Variants in NIPBL observed in about 807,000 individuals in gnomAD.
NIPBL encodes the protein NIPBL cohesin loading factor.
In NIPBL, 19 loss-of-function variants were observed where a neutral mutation model predicts 321.8. That is an observed-to-expected ratio of 0.06 (90% confidence interval 0.04 to 0.09). The LOEUF (loss-of-function observed/expected upper bound fraction) is 0.09. Ranked by LOEUF, NIPBL falls within the 10% of genes least tolerant of loss-of-function variation. The pLI is 1.00. For missense variants in NIPBL, 2,210 were observed against 3,327.0 expected, an observed-to-expected ratio of 0.66 and a Z score of 8.26; for synonymous variants, 1,106 against 1,114.1, an observed-to-expected ratio of 0.99 and a Z score of 0.14.
At position 36,962,132 on chromosome 5, in the gene NIPBL, G is replaced by C; in HGVS notation, c.468G>C (p.Val156=). The change falls in exon 6 of 47, where the codon GTG becomes GTC. Residue 156 remains valine (V), a synonymous_variant. Coordinates refer to ENST00000282516, the MANE Select transcript of NIPBL (RefSeq NM_133433.4). ...TISHSPSSRF[V]PPQTSSGNRF... ...GGGTTTTGGGTTTTAGCCGGTTTGT[G>C]CCACCACAGACAAGCTCTGGGAACA... 1 of 1,613,998 alleles carries C rather than the reference G, an allele frequency of 6.2e-7. No individual in the cohort carries two copies. Among genetic ancestry groups the C allele is most frequent in the Non-Finnish European group, 8.5e-7 (1 of 1,179,956 alleles).
intron 34 of NIPBL, 30 bp downstream of exon 34, chr5:37,038,768 C>G (rs761778025): frequency 4.4e-6 from 7 of 1,606,964 alleles, no homozygotes; most frequent in Middle Eastern, 1.9e-4. Context: ...ATTCTTGTAT[C>G]TTACATAAAA....
intron 6 of NIPBL, among the ~76,000 whole-genome samples, chr5:36,963,475 CAAG>C (rs1741856440): frequency 6.6e-6 from 1 of 151,962 alleles, no homozygotes; most frequent in Non-Finnish European, 1.5e-5. Context: ...CACACGAACT[CAAG>C]GAGAAACTGG....
At chr5:36,977,959 G>T (rs750708608) in intron 9 of NIPBL, among the ~76,000 whole-genome samples, 4 of 151,888 alleles carry the variant, frequency 2.6e-5, no homozygotes, top group Non-Finnish European at 4.4e-5. Context: ...CTTTATGATT[G>T]TGTACCACGG....
Position 37,022,494 on chromosome 5 carries a change from ATATT to A in NIPBL, c.5574+108_5574+111del, listed in dbSNP as rs1378376037. 1.2e-5 allele frequency: 12 copies of A among 994,760 alleles called. 1 individual carries two copies. In the African/African-American group the frequency reaches 1.6e-4, roughly 14 times the overall value. 61.6% of individuals were successfully genotyped at this position (994,760 alleles called of 1,614,324 possible). ...TTAGAAAAATAAATGTACCAATTAT[ATATT>A]TATATTGTCAAATTTATGAACTATT... On this transcript the variant is annotated intron_variant, in intron 29 of 46. Coordinates refer to ENST00000282516, the MANE Select transcript of NIPBL (RefSeq NM_133433.4).
At chr5:36,946,590 G>A (rs1033770205) in intron 1 of NIPBL, among the ~76,000 whole-genome samples, 2 of 93,654 alleles carry the variant, frequency 2.1e-5, no homozygotes, top group Non-Finnish European at 4.3e-5. Flanking sequence ...GTGTGTATAT[G>A]TATATATATA....
At position 36,894,057 on chromosome 5, in the gene NIPBL, C is replaced by G. The variant is rs1580164142; in HGVS notation, c.-80+16879C>G. 3.9e-5 allele frequency among the ~76,000 whole-genome samples: 6 copies of G among 152,232 alleles called. 1 individual carries two copies. The Middle Eastern group carries it at 0.02, about 518-fold the overall frequency. ...CACTACTTAAAAATATAAACCATGC[C>G]TATGTGTTCACACTAAGTCCTCAGC... On this transcript the variant is annotated intron_variant, in intron 1 of 46. Coordinates refer to ENST00000282516, the MANE Select transcript of NIPBL (RefSeq NM_133433.4).
chr5:36,994,967 A>G (rs993005494), intron 10 of NIPBL, among the ~76,000 whole-genome samples: 4 of 152,062 alleles, frequency 2.6e-5, no homozygotes, highest in Admixed American at 1.3e-4. Flanking sequence ...TTTGTCATCT[A>G]TTTATCCTGT....
intron 8 of NIPBL, among the ~76,000 whole-genome samples, chr5:36,974,119 A>C (rs914777248): frequency 8.5e-5 from 13 of 152,218 alleles, no homozygotes; most frequent in Admixed American, 5.9e-4. Flanking sequence ...GAAGTTATTT[A>C]GATTGCCGGG....
chr5:36,878,154 GTTATAC>G (rs1395668428), intron 1 of NIPBL, among the ~76,000 whole-genome samples: 1 of 152,170 alleles, frequency 6.6e-6, no homozygotes, highest in Admixed American at 6.6e-5. Context: ...AAGAAATTAA[GTTATAC>G]TTAAAATCCT....
chr5:37,037,128 C>T (rs1160477070), intron 33 of NIPBL, among the ~76,000 whole-genome samples: 2 of 151,572 alleles, frequency 1.3e-5, no homozygotes, highest in Admixed American at 1.3e-4. Context: ...TGGCTCACAC[C>T]TGTAATCCCA....
intron 23 of NIPBL, 31 bp downstream of exon 23, chr5:37,016,201 T>C: frequency 6.2e-7 from 1 of 1,602,466 alleles, no homozygotes; most frequent in Non-Finnish European, 8.5e-7. Context: ...GATTATTAGA[T>C]TACTAGAAGA....
chr5:37,048,633 C>T lies in NIPBL; in HGVS notation c.6721C>T (p.Leu2241=). 1 of 1,610,154 alleles carries T rather than the reference C, an allele frequency of 6.2e-7. No homozygotes were observed. The highest frequency in any genetic ancestry group is 8.5e-7 in the Non-Finnish European group (1 of 1,177,606). ...IQVLKNLQTY[L]QEEDTRMQQA... is the part of the protein sequence containing the mutation. ...AGTGTTAAAAAACCTCCAGACCTAC[C>T]TACAAGAAGAAGATACACGTATGCA... is the stretch of plus-strand genomic sequence containing the variant. The change falls in exon 39 of 47, where the codon CTA becomes TTA. Residue 2241 remains leucine, a synonymous_variant. Coordinates refer to ENST00000282516, the MANE Select transcript of NIPBL (RefSeq NM_133433.4).
At chr5:36,963,703 G>T (rs292184) in intron 6 of NIPBL, among the ~76,000 whole-genome samples, 87,578 of 151,736 alleles carry the variant, frequency 0.58, 27,870 homozygotes, top group African/African-American at 0.87. Flanking sequence ...TCAGGAGGAT[G>T]GCTTGAACCC....
At position 37,010,273 on chromosome 5, in the gene NIPBL, A is replaced by G. The variant is rs747679036; in HGVS notation, c.4560+48A>G. 6.6e-6 allele frequency: 9 copies of G among 1,362,258 alleles called. No individual in the cohort carries two copies. In the South Asian group the frequency reaches 1.1e-4, roughly 16 times the overall value. The allele number at this position is 1,362,258 out of a possible 1,614,324, so 84.4% of individuals were successfully genotyped here. ...TACAACTGTACTTTTATTGAAGGAA[A>G]TACCTATATTCTCTGTCATTCTTAT... is the stretch of plus-strand genomic sequence containing the variant. On this transcript the variant is annotated intron_variant, in intron 21 of 46. Coordinates refer to ENST00000282516, the MANE Select transcript of NIPBL (RefSeq NM_133433.4).
chr5:36,903,898 T>C (rs1234925613), intron 1 of NIPBL, among the ~76,000 whole-genome samples: 1 of 152,146 alleles, frequency 6.6e-6, no homozygotes, highest in Non-Finnish European at 1.5e-5. Context: ...GTGAAAGATG[T>C]GATCATAAAT....
At chr5:36,926,870 A>G (rs1749401703) in intron 1 of NIPBL, among the ~76,000 whole-genome samples, 1 of 152,158 alleles carries the variant, frequency 6.6e-6, no homozygotes, top group African/African-American at 2.4e-5. Flanking sequence ...ATTCAAGTTG[A>G]AAAAAATTGG....
intron 1 of NIPBL, among the ~76,000 whole-genome samples, chr5:36,928,038 G>C (rs753230259): frequency 3.3e-5 from 5 of 151,620 alleles, no homozygotes; most frequent in African/African-American, 1.2e-4. Context: ...AACCATACTC[G>C]ATGCACAAAA....
chr5:36,941,032 G>A (rs1404002010), intron 1 of NIPBL, among the ~76,000 whole-genome samples: 2 of 152,028 alleles, frequency 1.3e-5, no homozygotes, highest in African/African-American at 2.4e-5. Context: ...CCCTATTGTA[G>A]GTGTTAGGTA....
At chr5:36,924,453 CT>C (rs1749197742) in intron 1 of NIPBL, among the ~76,000 whole-genome samples, 1 of 151,990 alleles carries the variant, frequency 6.6e-6, no homozygotes, top group African/African-American at 2.4e-5. Flanking sequence ...TGATTGTGGT[CT>C]TTATTAGCTG....
Sources: allele counts gnomAD v4.1 joint callset (sites outside exome capture counted in the v4.1 genomes callset), GRCh38; gene constraint gnomAD v4.1.1; transcripts MANE v1.5; gene names NCBI Gene and HGNC (gene_info 2026-07-23, HGNC 2026-07-21).